The following GPHN variants were observed in gnomAD, a reference collection of about 807,000 sequenced individuals.
The protein encoded by GPHN is gephyrin.
In GPHN, 17 loss-of-function variants were observed where a neutral mutation model predicts 95.5. The observed-to-expected ratio is 0.18, with a 90% CI of 0.12 to 0.27. The LOEUF (loss-of-function observed/expected upper bound fraction) is 0.27, where lower values mean the gene tolerates loss of function less well. GPHN is among the 10% of genes least tolerant of loss of function. The pLI, the probability that GPHN is intolerant of heterozygous loss-of-function variation, is 1.00. For missense variants in GPHN, 660 were observed against 978.1 expected (o/e 0.67, Z 4.34); for synonymous variants, 320 against 322.5 (o/e 0.99, Z 0.08).
intron 19 of GPHN, 56 bp from the exon 20 acceptor site, chr14:67,165,106 A>C (rs989994925): frequency 5.9e-5 from 67 of 1,137,806 alleles, no homozygotes; most frequent in South Asian, 2.7e-4. Context: ...GGAGTACTTA[A>C]TGTATTCATC....
chr14:66,553,089 C>T (rs2059882804), intron 1 of GPHN, among the ~76,000 whole-genome samples: 2 of 151,834 alleles, frequency 1.3e-5, no homozygotes, highest in African/African-American at 4.8e-5. Flanking sequence ...CTCCCAGGTT[C>T]AAGCGATTCC....
the GPHN span, among the ~76,000 whole-genome samples, chr14:67,436,391 C>T: frequency 6.6e-6 from 1 of 152,166 alleles, no homozygotes; most frequent in Non-Finnish European, 1.5e-5. Flanking sequence ...AATACAAAGT[C>T]CTCCTTTCAA....
chr14:66,586,526 C>G (rs1419994549), intron 1 of GPHN, among the ~76,000 whole-genome samples: 1 of 152,140 alleles, frequency 6.6e-6, no homozygotes, highest in African/African-American at 2.4e-5. Flanking sequence ...TGGGTGGTAC[C>G]AGTTGTTCCT....
the GPHN span, among the ~76,000 whole-genome samples, chr14:67,549,460 G>A: frequency 6.6e-6 from 1 of 151,924 alleles, no homozygotes; most frequent in Non-Finnish European, 1.5e-5. Flanking sequence ...TAGTAGCGAC[G>A]GGGTTTCACC....
intron 1 of GPHN, among the ~76,000 whole-genome samples, chr14:66,539,975 A>G (rs1487134954): frequency 1.3e-5 from 2 of 152,222 alleles, no homozygotes; most frequent in African/African-American, 4.8e-5. Flanking sequence ...CTGTCCTTAA[A>G]GTTTGAAACA....
the GPHN span, among the ~76,000 whole-genome samples, chr14:67,321,962 G>T: frequency 6.6e-6 from 1 of 152,134 alleles, no homozygotes; most frequent in Non-Finnish European, 1.5e-5. Context: ...AAATGCCATT[G>T]TTCAAATATT....
At chr14:67,208,406 A>G in the GPHN span, 1 of 1,614,018 alleles carries the variant, frequency 6.2e-7, no homozygotes, top group Admixed American at 1.7e-5. Flanking sequence ...TGAAGAAAAG[A>G]TGCCTGATTT....
the GPHN span, among the ~76,000 whole-genome samples, chr14:67,256,322 G>A: frequency 1.3e-5 from 2 of 152,060 alleles, no homozygotes; most frequent in Non-Finnish European, 2.9e-5. Flanking sequence ...ACTTGCGTTT[G>A]TTTCATGTCA....
chr14:67,727,464 C>A, the GPHN span: 3 of 393,842 alleles, frequency 7.6e-6, no homozygotes, highest in Admixed American at 4.1e-5. Flanking sequence ...TTGCAACAGA[C>A]AGAGGCTTTT....
chr14:67,705,530 C>T, the GPHN span, among the ~76,000 whole-genome samples: 217 of 152,316 alleles, frequency 1.4e-3, 2 homozygotes, highest in Admixed American at 9.6e-3. Flanking sequence ...GTTATCACAA[C>T]TAAATGCAAT....
At chr14:66,641,571 G>A (rs894041781) in intron 1 of GPHN, among the ~76,000 whole-genome samples, 2 of 151,678 alleles carry the variant, frequency 1.3e-5, no homozygotes, top group African/African-American at 2.4e-5. Context: ...CAAAAGAACT[G>A]GACAAATCCC....
At chr14:67,601,745 C>A in the GPHN span, among the ~76,000 whole-genome samples, 1 of 151,486 alleles carries the variant, frequency 6.6e-6, no homozygotes, top group Admixed American at 6.6e-5. Context: ...ACTAAAAATA[C>A]AAAAAAATTA....
chr14:66,599,070 A>G (rs2062108556), intron 1 of GPHN, among the ~76,000 whole-genome samples: 1 of 152,086 alleles, frequency 6.6e-6, no homozygotes, highest in Admixed American at 6.6e-5. Context: ...TACTTTCAGT[A>G]ATAACATATC....
At chr14:66,875,032 AG>A (rs1399571159) in intron 4 of GPHN, among the ~76,000 whole-genome samples, 1 of 152,196 alleles carries the variant, frequency 6.6e-6, no homozygotes, top group Non-Finnish European at 1.5e-5. Context: ...CCCACAAGGA[AG>A]CCCATCAAGC....
chr14:66,831,541 A>C (rs1174491555), intron 4 of GPHN, among the ~76,000 whole-genome samples: 1 of 152,168 alleles, frequency 6.6e-6, no homozygotes, highest in Non-Finnish European at 1.5e-5. Flanking sequence ...ATCTTTGTCT[A>C]AACACGTTGG....
the GPHN span, among the ~76,000 whole-genome samples, chr14:67,263,789 GT>G: frequency 2.0e-4 from 30 of 152,366 alleles, no homozygotes; most frequent in South Asian, 1.0e-3. Context: ...CTAGCAAGTA[GT>G]GTTGCTGCTT....
intron 2 of GPHN, among the ~76,000 whole-genome samples, chr14:66,746,933 AG>A (rs1239439597): frequency 6.6e-6 from 1 of 152,006 alleles, no homozygotes. Flanking sequence ...GGGACTGTTC[AG>A]GGTTTGGGGC....
chr14:66,860,886 C>CA (rs951821197), intron 4 of GPHN, among the ~76,000 whole-genome samples: 2 of 151,456 alleles, frequency 1.3e-5, no homozygotes, highest in East Asian at 1.9e-4. Context: ...ACAATAGCTA[C>CA]AAAAAAATAT....
intron 1 of GPHN, among the ~76,000 whole-genome samples, chr14:66,575,650 C>T (rs928726497): frequency 1.3e-5 from 2 of 152,116 alleles, no homozygotes; most frequent in Non-Finnish European, 1.5e-5. Flanking sequence ...GGTGCCCAGA[C>T]ACAACCAGGT....
Sources: allele counts gnomAD v4.1 joint callset (sites outside exome capture counted in the v4.1 genomes callset), GRCh38; gene constraint gnomAD v4.1.1; transcripts MANE v1.5; gene names NCBI Gene and HGNC (gene_info 2026-07-23, HGNC 2026-07-21).